The following VPS16 variants were observed in gnomAD, a reference collection of about 807,000 sequenced individuals.
The protein encoded by VPS16 is vacuolar protein sorting-associated protein 16 homolog.
Under a neutral mutation model 116.0 loss-of-function variants are expected in VPS16, and 82 were observed. The ratio of observed to expected loss-of-function variants is 0.71; its 90% CI spans 0.59 to 0.85. VPS16 has a LOEUF of 0.85. Among genes scored for constraint, VPS16 ranks in the 40% least tolerant of loss-of-function variants. The probability of loss-of-function intolerance (pLI) is 0.00; values close to 1 mark genes in which losing one functional copy is unlikely to be tolerated. For synonymous variants in VPS16, 406 were observed against 420.7 expected (o/e 0.96, Z 0.43); for missense variants, 928 against 1,090.6 (o/e 0.85, Z 2.10).
chr20:2,855,024 A>G (rs1485924928), intron 1 of VPS16, among the ~76,000 whole-genome samples: 2 of 131,832 alleles, frequency 1.5e-5, no homozygotes, highest in African/African-American at 3.0e-5. Context: ...GCAGTGGTGC[A>G]ATCTCGGCTC....
Position 2,863,098 on chromosome 20 carries a change from C to T in VPS16, c.1365C>T (p.Asp455=). The T allele has an allele frequency of 6.2e-7, 1 of 1,613,950 alleles. No homozygotes were observed. Among genetic ancestry groups the T allele is most frequent in the Non-Finnish European group, 8.5e-7 (1 of 1,180,014 alleles). Residue 455 remains aspartate, a splice_region_variant and synonymous_variant, in exon 14 of 24, where the codon GAC becomes GAT. Transcript: ENST00000380445. This position sits in a 1 kb window ranked among gnomAD's most constrained non-coding sequence, Gnocchi z 4.4. ...AGCTCACCATCCAGGTGCTGCTGGA[C>T]AGGTAGGGTAAGCCCAAGGGTGCAG... The part of the protein sequence containing the change: ...YKQLTIQVLL[D]RLVLRRLYPL...
At chr20:2,847,094 G>T (rs1246962172) in intron 1 of VPS16, among the ~76,000 whole-genome samples, 1 of 152,168 alleles carries the variant, frequency 6.6e-6, no homozygotes, top group Non-Finnish European at 1.5e-5. Context: ...CACAGTTTGA[G>T]TCACCTCACT....
chr20:2,843,216 G>A (rs972379866), intron 1 of VPS16, among the ~76,000 whole-genome samples: 5 of 151,788 alleles, frequency 3.3e-5, no homozygotes, highest in Admixed American at 6.6e-5. Flanking sequence ...GGCAGATCAC[G>A]AGGTCAAGAG....
chr20:2,846,905 T>C (rs2089065823), intron 1 of VPS16, among the ~76,000 whole-genome samples: 1 of 152,174 alleles, frequency 6.6e-6, no homozygotes, highest in African/African-American at 2.4e-5. Flanking sequence ...TCGATTCGAT[T>C]CCAAGGTCCA....
Position 2,864,169 on chromosome 20 carries a change from C to CACCT in VPS16, c.1612-9_1612-6dup, listed in dbSNP as rs1340199320. On this transcript the variant is annotated splice_polypyrimidine_tract_variant and intron_variant, in intron 16 of 23. Transcript: ENST00000380445. This position sits in a 1 kb window ranked among gnomAD's most constrained non-coding sequence, Gnocchi z 5.2. Reference sequence around the variant, plus strand: ...CTCCTTCTCTCTGTGCCTTCCTTCTCACCTCACAGCTGCTGGAGTATGAGC... The same window carrying CACCT: ...CTCCTTCTCTCTGTGCCTTCCTTCTCACCTACCTCACAGCTGCTGGAGTATGAGC... 6.8e-6 allele frequency: 11 copies of CACCT among 1,614,060 alleles called. No homozygotes were observed. In the Admixed American group the frequency reaches 1.0e-4, roughly 15 times the overall value.
At position 2,856,226 on chromosome 20, in the gene VPS16, G is replaced by A. The variant is rs12480419; in HGVS notation, c.54-3493G>A. Among the ~76,000 whole-genome samples, 1,300 of 152,266 alleles carry A rather than the reference G, an allele frequency of 8.5e-3. 21 individuals carry two copies. Among genetic ancestry groups the A allele is most frequent in the South Asian group, 0.029 (142 of 4,824 alleles). On this transcript the variant is annotated intron_variant, in intron 1 of 23. Coordinates refer to ENST00000380445, the MANE Select transcript of VPS16 (RefSeq NM_022575.4). ...AGAGAGAGAGAGACGATCGGGGAACGGCTCGTTGGTGGAGCAGTCAGAACA... is the reference window on the plus strand; with the variant it reads ...AGAGAGAGAGAGACGATCGGGGAACAGCTCGTTGGTGGAGCAGTCAGAACA...
rs146797686 is a variant in VPS16, at chr20:2,866,545, C to T, written c.2491C>T (p.Arg831Trp). The change falls in exon 24 of 24, where the codon CGG becomes TGG. Residue 831 changes from arginine (R) to tryptophan (W), a missense_variant. By Grantham distance (101) the Arg-to-Trp change is moderately radical (BLOSUM62 -3). Coordinates refer to ENST00000380445, the MANE Select transcript of VPS16 (RefSeq NM_022575.4). ...TGGGGCCACAGCTGACAAGATTCAACGGGCCAGGGCACAAGCCCAGAAGAA... is the reference window on the plus strand; with the variant it reads ...TGGGGCCACAGCTGACAAGATTCAATGGGCCAGGGCACAAGCCCAGAAGAA... The part of the protein sequence containing the change: ...TDGATADKIQ[R>W]ARAQAQKK The T allele has an allele frequency of 1.9e-5, 31 of 1,614,040 alleles. No homozygotes were observed. The highest frequency in any genetic ancestry group is 1.1e-4 in the African/African-American group (8 of 74,914).
At chr20:2,862,363 A>C (rs1199252936) in intron 11 of VPS16, 1 of 1,084,514 alleles carries the variant, frequency 9.2e-7, no homozygotes, top group African/African-American at 1.6e-5. Context: ...TACTATTGGG[A>C]GGAGTTCTCA....
chr20:2,850,191 C>T (rs1001320329), intron 1 of VPS16, among the ~76,000 whole-genome samples: 4 of 152,086 alleles, frequency 2.6e-5, no homozygotes, highest in Admixed American at 6.5e-5. Context: ...GGCGTGGTGG[C>T]AGGCGCCTGT....
At chr20:2,862,382 C>G in intron 11 of VPS16, 197 bp from the exon 12 acceptor site, 5 of 1,236,420 alleles carry the variant, frequency 4.0e-6, no homozygotes, top group South Asian at 1.6e-5. Context: ...CAAGGCCCCC[C>G]TAAAGGCAGC....
intron 1 of VPS16, among the ~76,000 whole-genome samples, chr20:2,851,390 C>G (rs771058024): frequency 6.6e-5 from 10 of 152,260 alleles, no homozygotes; most frequent in Non-Finnish European, 1.2e-4. Context: ...GGGCAGATCA[C>G]CTGAGGTTGG....
intron 1 of VPS16, among the ~76,000 whole-genome samples, chr20:2,856,194 AAGAG>A (rs150683763): frequency 1.3e-4 from 20 of 150,052 alleles, no homozygotes; most frequent in Non-Finnish European, 2.4e-4. Context: ...GGAAGGCCTG[AAGAG>A]AGAGAGAGAG....
intron 1 of VPS16, among the ~76,000 whole-genome samples, chr20:2,845,137 A>G (rs1183582032): frequency 6.6e-6 from 1 of 151,826 alleles, no homozygotes; most frequent in East Asian, 1.9e-4. Context: ...ATGGAACAGA[A>G]CAGGAAAAAG....
At chr20:2,843,394 T>C (rs1568621451) in intron 1 of VPS16, among the ~76,000 whole-genome samples, 2 of 150,936 alleles carry the variant, frequency 1.3e-5, no homozygotes, top group East Asian at 3.9e-4. Context: ...ATCGCACCAC[T>C]GTACTCCAGC....
intron 1 of VPS16, among the ~76,000 whole-genome samples, chr20:2,854,461 CGAGA>C (rs1217160454): frequency 6.6e-6 from 1 of 150,962 alleles, no homozygotes; most frequent in Non-Finnish European, 1.5e-5. Context: ...ACAAAAAAAA[CGAGA>C]GAGAGAAAGA....
At chr20:2,857,456 T>A (rs565181267) in intron 1 of VPS16, among the ~76,000 whole-genome samples, 50 of 152,318 alleles carry the variant, frequency 3.3e-4, no homozygotes, top group African/African-American at 1.2e-3. Flanking sequence ...TCATTTGATA[T>A]CTTACAGTTT....
In VPS16 at chr20:2,866,687, C is replaced by T; in HGVS notation, c.*113C>T. On this transcript the variant is annotated 3_prime_UTR_variant, in exon 24 of 24. Transcript: ENST00000380445. ...CTAGAGCAATGCTGAGGAGCGGGGG[C>T]ATGGTAGCAGGGCTGTCTGGTTTTA... The T allele has an allele frequency of 6.8e-7, 1 of 1,475,558 alleles. No individual in the cohort carries two copies. Among genetic ancestry groups the T allele is most frequent in the Non-Finnish European group, 9.2e-7 (1 of 1,087,102 alleles). The allele number at this position is 1,475,558 out of a possible 1,614,324, so 91.4% of individuals were successfully genotyped here.
intron 1 of VPS16, among the ~76,000 whole-genome samples, chr20:2,842,369 A>G (rs1443788850): frequency 6.6e-6 from 1 of 151,874 alleles, no homozygotes; most frequent in Non-Finnish European, 1.5e-5. Flanking sequence ...TAATCCCAGC[A>G]CTTTGGGAGG....
chr20:2,861,553 C>A, intron 8 of VPS16, 62 bp from the exon 9 acceptor site: 1 of 1,525,672 alleles, frequency 6.6e-7, no homozygotes, highest in Non-Finnish European at 8.9e-7. Flanking sequence ...GGATTATGAG[C>A]AGCCATGTGG....
Sources: gnomAD v4.1 joint callset for allele counts (sites outside exome capture counted in the v4.1 genomes callset) on GRCh38, gnomAD v4.1.1 for gene constraint, Gnocchi (gnomAD v3.1) non-coding constraint, MANE v1.5 for transcripts, NCBI Gene and HGNC (gene_info 2026-07-23, HGNC 2026-07-21) for gene names.